Variants in VPS41 observed in about 807,000 individuals in gnomAD.
VPS41 encodes vacuolar protein sorting-associated protein 41 homolog.
A neutral mutation model predicts 130.9 loss-of-function variants in VPS41; 85 were observed. That is an observed-to-expected ratio of 0.65 (90% CI 0.55 to 0.78). The LOEUF is 0.78. Among genes scored for constraint, VPS41 ranks in the 30% least tolerant of loss-of-function variants. VPS41 has a pLI of 0.00. For synonymous variants in VPS41, 335 were observed against 332.9 expected, an observed-to-expected ratio of 1.01 and a Z score of -0.07; for missense variants, 874 against 1,018.7, an observed-to-expected ratio of 0.86 and a Z score of 1.93.
rs1441832629 is a variant in VPS41 at position 38,817,887 on chromosome 7, A to G, written c.385-5T>C. The stretch of plus-strand genomic sequence containing the variant: ...ATGTGGGTGCACAGCAATAATCTAC[A>G]AGAGAAACAGAACCCAACTCTGGTT... On this transcript the variant is annotated splice_polypyrimidine_tract_variant and splice_region_variant and intron_variant, in intron 6 of 28. Coordinates refer to ENST00000310301, the MANE Select transcript of VPS41 (RefSeq NM_014396.4). 2 of 1,613,646 alleles carry G rather than the reference A, an allele frequency of 1.2e-6. No individual in the cohort carries two copies. The highest frequency in any genetic ancestry group is 1.7e-6 in the Non-Finnish European group (2 of 1,179,666).
intron 15 of VPS41, 45 bp from the exon 16 acceptor site, chr7:38,765,706 A>T: frequency 8.1e-7 from 1 of 1,227,168 alleles, no homozygotes; most frequent in South Asian, 1.3e-5. Context: ...ATATATTAAA[A>T]AAACAAAAAA....
intron 7 of VPS41, among the ~76,000 whole-genome samples, chr7:38,801,338 G>A (rs1048573775): frequency 2.0e-5 from 3 of 152,170 alleles, no homozygotes; most frequent in Non-Finnish European, 4.4e-5. Flanking sequence ...ATGGAGGGGG[G>A]CTAAAAATTA....
At position 38,774,215 on chromosome 7, in the gene VPS41, C is replaced by T. The variant is rs2115856292; in HGVS notation, c.912G>A (p.Leu304=). Residue 304 remains leucine, a synonymous_variant, in exon 12 of 29, where the codon CTG becomes CTA. Transcript: ENST00000310301. ...TCTCAGAAAGTGGCTGGATGATGTC[C>T]AGTCTAGGCCTGGCACAGTATTCTC... ...TEREYCARPR[L]DIIQPLSETC... 1 of 1,607,070 alleles carries T rather than the reference C, an allele frequency of 6.2e-7. No individual in the cohort carries two copies. The highest frequency in any genetic ancestry group is 1.1e-5 in the South Asian group (1 of 90,040).
intron 7 of VPS41, among the ~76,000 whole-genome samples, chr7:38,811,833 T>C (rs1784948886): frequency 6.6e-6 from 1 of 152,050 alleles, no homozygotes; most frequent in Admixed American, 6.5e-5. Flanking sequence ...CTTTGACTTA[T>C]GATTATTTGA....
At chr7:38,809,987 A>T (rs1784911576) in intron 7 of VPS41, among the ~76,000 whole-genome samples, 2 of 152,138 alleles carry the variant, frequency 1.3e-5, no homozygotes, top group South Asian at 4.1e-4. Context: ...TTCATTTGCC[A>T]TGCTCCTGTA....
At chr7:38,730,674 T>C (rs1795644696) in intron 25 of VPS41, among the ~76,000 whole-genome samples, 1 of 152,066 alleles carries the variant, frequency 6.6e-6, no homozygotes, top group Non-Finnish European at 1.5e-5. Context: ...CTAAGAAATA[T>C]GGATGTCAGG....
intron 17 of VPS41, among the ~76,000 whole-genome samples, chr7:38,761,936 C>G (rs1783929848): frequency 6.6e-6 from 1 of 152,036 alleles, no homozygotes; most frequent in Non-Finnish European, 1.5e-5. Flanking sequence ...GATTTCTACC[C>G]CAATACCAGC....
chr7:38,824,971 G>A (rs1168600646), intron 5 of VPS41, among the ~76,000 whole-genome samples: 2 of 152,234 alleles, frequency 1.3e-5, no homozygotes, highest in African/African-American at 4.8e-5. Context: ...AGGAATTGCT[G>A]AGGATAAATG....
intron 22 of VPS41, among the ~76,000 whole-genome samples, chr7:38,751,389 G>A (rs1356130222): frequency 6.6e-6 from 1 of 152,204 alleles, no homozygotes; most frequent in African/African-American, 2.4e-5. Context: ...GAGAACTGTA[G>A]GACATAATAC....
Position 38,745,602 on chromosome 7 carries a change from G to A in VPS41, c.1938C>T (p.Ile646=), listed in dbSNP as rs1795971146. ...CTTCTACAAAGTTTCTCTGTTGACA[G>A]ATCTCAAGAGCCTTCAATTAAAGCA... ...THCPLEKALE[I]CQQRNFVEET... The change falls in exon 23 of 29, where the codon ATC becomes ATT. Residue 646 remains isoleucine (I), a synonymous_variant. Coordinates refer to ENST00000310301, the MANE Select transcript of VPS41 (RefSeq NM_014396.4). 1 of 1,603,726 alleles carries A rather than the reference G, an allele frequency of 6.2e-7. No homozygotes were observed. Among genetic ancestry groups the A allele is most frequent in the African/African-American group, 1.4e-5 (1 of 74,060 alleles).
At chr7:38,852,894 C>T (rs537032785) in intron 4 of VPS41, among the ~76,000 whole-genome samples, 1 of 152,276 alleles carries the variant, frequency 6.6e-6, no homozygotes, top group South Asian at 2.1e-4. Flanking sequence ...CCTAAATACT[C>T]TGAACTCCAA....
At chr7:38,776,847 A>G in intron 10 of VPS41, 71 bp from the exon 11 acceptor site, 2 of 764,764 alleles carry the variant, frequency 2.6e-6, no homozygotes, top group Middle Eastern at 2.4e-4. Context: ...GAGGAACACA[A>G]TGACTGTGAA....
At chr7:38,862,756 T>A (rs1242362419) in intron 3 of VPS41, 134 bp from the exon 4 acceptor site, 1 of 600,494 alleles carries the variant, frequency 1.7e-6, no homozygotes, top group African/African-American at 1.9e-5. Flanking sequence ...ATGCATGCCT[T>A]GGAGAAGGCT....
At chr7:38,862,743 G>C (rs1562614666) in intron 3 of VPS41, 121 bp from the exon 4 acceptor site, 11 of 619,538 alleles carry the variant, frequency 1.8e-5, no homozygotes, top group Non-Finnish European at 3.1e-5. Flanking sequence ...TGTCTCAAAA[G>C]ATATGCATGC....
intron 25 of VPS41, among the ~76,000 whole-genome samples, chr7:38,738,288 G>T (rs1326737779): frequency 6.6e-6 from 1 of 152,168 alleles, no homozygotes; most frequent in African/African-American, 2.4e-5. Context: ...TTTAAAAAAG[G>T]CATGAGATTT....
chr7:38,746,890 G>A (rs1294994134), intron 22 of VPS41, among the ~76,000 whole-genome samples: 3 of 152,066 alleles, frequency 2.0e-5, no homozygotes, highest in Non-Finnish European at 4.4e-5. Flanking sequence ...TACGTCATGA[G>A]GTCAAGGTCA....
rs548009172 is a variant in VPS41 at position 38,812,532 on chromosome 7, T to A, written c.450+5285A>T. On this transcript the variant is annotated intron_variant, in intron 7 of 28. Coordinates refer to ENST00000310301, the MANE Select transcript of VPS41 (RefSeq NM_014396.4). The stretch of plus-strand genomic sequence containing the variant: ...CCAATAGCACAAGTATCAAAAAAAT[T>A]AAGATAAATGTGACTTTATTAAAGT... 2.0e-5 allele frequency among the ~76,000 whole-genome samples: 3 copies of A among 152,132 alleles called. No homozygotes were observed. The South Asian group carries it at 6.2e-4, about 32-fold the overall frequency.
intron 4 of VPS41, among the ~76,000 whole-genome samples, chr7:38,860,056 T>C (rs376316272): frequency 6.6e-6 from 1 of 152,178 alleles, no homozygotes; most frequent in East Asian, 1.9e-4. Flanking sequence ...CAACAAAAGA[T>C]GGCCGTATAA....
chr7:38,784,460 C>T (rs1784402672), intron 10 of VPS41, among the ~76,000 whole-genome samples: 1 of 152,002 alleles, frequency 6.6e-6, no homozygotes, highest in Admixed American at 6.6e-5. Flanking sequence ...CAAAAGGAGA[C>T]CACATCTTTA....
Sources: allele counts gnomAD v4.1 joint callset (sites outside exome capture counted in the v4.1 genomes callset), GRCh38; gene constraint gnomAD v4.1.1; transcripts MANE v1.5; gene names NCBI Gene and HGNC (gene_info 2026-07-23, HGNC 2026-07-21).